The following MX1 variants were observed in gnomAD, a reference collection of about 807,000 sequenced individuals.
The protein encoded by MX1 is MX dynamin like GTPase 1.
Under a neutral mutation model 66.4 loss-of-function variants are expected in MX1, and 66 were observed. The ratio of observed to expected loss-of-function variants is 0.99; its 90% confidence interval spans 0.82 to 1.22. The LOEUF (loss-of-function observed/expected upper bound fraction) is 1.22. Among genes scored for constraint, MX1 ranks in the 50% most tolerant of loss-of-function variants. The pLI is 0.00. For missense variants in MX1, 787 were observed against 834.3 expected (o/e 0.94, Z 0.70); for synonymous variants, 311 against 318.1 (o/e 0.98, Z 0.24).
chr21:41,442,004 G>GGTGTGT, intron 10 of MX1, 90 bp downstream of exon 10: 3 of 957,776 alleles, frequency 3.1e-6, no homozygotes, highest in Non-Finnish European at 4.8e-6. Flanking sequence ...ACAGATGTGT[G>GGTGTGT]GAGTGTGTGT....
upstream of MX1, chr21:41,422,204 C>A (rs2090000798): frequency 6.6e-6 from 1 of 152,246 alleles, no homozygotes; most frequent in Non-Finnish European, 1.5e-5. Context: ...GGTTAAAACT[C>A]ACCACAACCA....
At chr21:41,422,670 T>C (rs1337345328), upstream of MX1, 2 of 152,158 alleles carry the variant, frequency 1.3e-5, no homozygotes, top group Admixed American at 1.3e-4. Flanking sequence ...GAGTAACTGC[T>C]GTTCGTTTAA....
intron 16 of MX1, among the ~76,000 whole-genome samples, chr21:41,457,846 A>T (rs985260372): frequency 7.2e-5 from 11 of 151,964 alleles, no homozygotes; most frequent in Non-Finnish European, 1.6e-4. Flanking sequence ...CATTAAACAC[A>T]TTCCCCATTC....
chr21:41,447,080 G>A (rs548180558), intron 13 of MX1, among the ~76,000 whole-genome samples: 9 of 152,310 alleles, frequency 5.9e-5, no homozygotes, highest in Admixed American at 6.5e-5. Flanking sequence ...CAGACTTGGG[G>A]GGGCTTAAAC....
chr21:41,430,839 C>T (rs371079239), intron 4 of MX1, among the ~76,000 whole-genome samples: 1 of 152,008 alleles, frequency 6.6e-6, no homozygotes, highest in African/African-American at 2.4e-5. Flanking sequence ...ATTTCATTTC[C>T]CCCATTTGTG....
In MX1 at chr21:41,432,227, C is replaced by T. The variant is rs186313040; in HGVS notation, c.105+52C>T. On this transcript the variant is annotated intron_variant, in intron 5 of 16. Transcript: ENST00000398598. ...CCATGTGACATGAGCCATGCCCATT[C>T]GAGGCTGCCCTTTTCTACAGCGGTG... The T allele has an allele frequency of 5.3e-4, 815 of 1,541,212 alleles. 5 individuals carry two copies. In the South Asian group the frequency reaches 8.5e-3, roughly 16 times the overall value.
chr21:41,440,450 G>A (rs1481694768), intron 8 of MX1, among the ~76,000 whole-genome samples: 1 of 152,206 alleles, frequency 6.6e-6, no homozygotes, highest in African/African-American at 2.4e-5. Flanking sequence ...CTGCACTCCA[G>A]CCTGGGCAAC....
At chr21:41,426,483 C>T (rs1402878563) in intron 1 of MX1, 1 of 152,182 alleles carries the variant, frequency 6.6e-6, no homozygotes, top group African/African-American at 2.4e-5. Flanking sequence ...TCCCACCAGG[C>T]TGCCCAGGCT....
In MX1 at chr21:41,445,563, T is replaced by C. The variant is rs2090637283; in HGVS notation, c.1124T>C (p.Leu375Pro). Residue 375 changes from leucine (L) to proline (P), a missense_variant, in exon 12 of 17, where the codon CTG becomes CCG. By Grantham distance (98) the Leu-to-Pro change is moderately conservative. Transcript: ENST00000398598. The part of the protein sequence containing the change: ...PEDENEKMFF[L>P]IDKVNAFNQD... ...GACGAAAATGAAAAAATGTTCTTCCTGATAGATGTGAGTGTTGCCAGCTGC... is the reference window on the plus strand; with the variant it reads ...GACGAAAATGAAAAAATGTTCTTCCCGATAGATGTGAGTGTTGCCAGCTGC... 6.2e-7 allele frequency: 1 copy of C among 1,614,118 alleles called. No individual in the cohort carries two copies. Among genetic ancestry groups the C allele is most frequent in the Non-Finnish European group, 8.5e-7 (1 of 1,179,978 alleles).
At chr21:41,436,220 G>A (rs1298434752) in intron 6 of MX1, among the ~76,000 whole-genome samples, 191 bp downstream of exon 6, 4 of 152,264 alleles carry the variant, frequency 2.6e-5, no homozygotes, top group East Asian at 3.9e-4. Flanking sequence ...TCCCCCATGC[G>A]GCCTTCCTTC....
chr21:41,444,499 G>C (rs2090609176), intron 11 of MX1, among the ~76,000 whole-genome samples: 1 of 151,324 alleles, frequency 6.6e-6, no homozygotes, highest in Admixed American at 6.6e-5. Context: ...GCTAATTTTT[G>C]TATTTTTAGT....
intron 8 of MX1, among the ~76,000 whole-genome samples, chr21:41,440,071 C>T (rs2090466323): frequency 6.6e-6 from 1 of 152,160 alleles, no homozygotes; most frequent in South Asian, 2.1e-4. Context: ...GGCCAGTGGG[C>T]ACAGTTGGAA....
intron 5 of MX1, among the ~76,000 whole-genome samples, chr21:41,432,471 A>G (rs895058755): frequency 1.3e-5 from 2 of 152,222 alleles, no homozygotes; most frequent in Non-Finnish European, 2.9e-5. Context: ...AAGGAGCACT[A>G]GGTTTGTTTT....
chr21:41,452,004 A>G (rs2090845127), intron 15 of MX1, among the ~76,000 whole-genome samples: 1 of 152,066 alleles, frequency 6.6e-6, no homozygotes, highest in Non-Finnish European at 1.5e-5. Flanking sequence ...CACCAGCTGG[A>G]GGCCTTGGGA....
Position 41,458,738 on chromosome 21 carries a change from C to T in MX1, c.1969C>T (p.Leu657Phe). The change falls in exon 17 of 17, where the codon CTT becomes TTT. Residue 657 changes from leucine to phenylalanine, a missense_variant. Physicochemically the swap from Leu to Phe is conservative, Grantham distance 22. Coordinates refer to ENST00000398598, the MANE Select transcript of MX1 (RefSeq NM_002462.5). The stretch of plus-strand genomic sequence containing the variant: ...ACGGCTGACGCAGGCTCGGCGCCGG[C>T]TTGCCCAGTTCCCCGGTTAACCACA... Reference protein sequence around the residue: ...LARLTQARRRLAQFPG With the variant: ...LARLTQARRRFAQFPG 1 of 1,612,816 alleles carries T rather than the reference C, an allele frequency of 6.2e-7. No individual in the cohort carries two copies. Among genetic ancestry groups the T allele is most frequent in the South Asian group, 1.1e-5 (1 of 91,064 alleles).
upstream of MX1, among the ~76,000 whole-genome samples, chr21:41,424,422 C>A (rs372180350): frequency 4.6e-5 from 7 of 152,208 alleles, no homozygotes; most frequent in Non-Finnish European, 1.0e-4. Context: ...GCTCCTCCCC[C>A]TCTTGTAGGT....
Position 41,449,213 on chromosome 21 carries a change from T to C in MX1, c.1350T>C (p.Asn450=), listed in dbSNP as rs780347414. ...YRGRELPGFV[N]YRTFETIVKQ... ...GTAGAGAGCTGCCAGGCTTTGTGAA[T>C]TACAGGACATTTGAGACAATCGTGA... Residue 450 remains asparagine (N), a synonymous_variant, in exon 14 of 17, where the codon AAT becomes AAC. Transcript: ENST00000398598. The C allele has an allele frequency of 1.7e-5, 28 of 1,613,936 alleles. No homozygotes were observed. Among genetic ancestry groups the C allele is most frequent in the South Asian group, 2.2e-5 (2 of 91,070 alleles).
chr21:41,437,104 GA>G lies in MX1; in HGVS notation c.389del (p.Glu130GlyfsTer10). ...AGGCAAGGTCAGTTACCAGGACTACGAGATTGAGATTTCGGATGCTTCAGAG... is the reference window on the plus strand; with the variant it reads ...AGGCAAGGTCAGTTACCAGGACTACGGATTGAGATTTCGGATGCTTCAGAG... ...WRGKVSYQDY[E>X]IEISDASEVE... On this transcript the variant is annotated frameshift_variant, in exon 7 of 17. Coordinates refer to ENST00000398598, the MANE Select transcript of MX1 (RefSeq NM_002462.5). LOFTEE classifies it high-confidence loss of function. 6.2e-7 allele frequency: 1 copy of G among 1,614,012 alleles called. No individual in the cohort carries two copies.
chr21:41,452,477 G>A, intron 15 of MX1, 144 bp from the exon 16 acceptor site: 1 of 881,450 alleles, frequency 1.1e-6, no homozygotes, highest in Non-Finnish European at 1.7e-6. Flanking sequence ...GATACACCAG[G>A]GCGCGGCCCA....
Sources: allele counts gnomAD v4.1 joint callset (sites outside exome capture counted in the v4.1 genomes callset), GRCh38; gene constraint gnomAD v4.1.1; transcripts MANE v1.5; gene names NCBI Gene and HGNC (gene_info 2026-07-23, HGNC 2026-07-21).